The following ANAPC1 variants were observed in gnomAD, a reference collection of about 807,000 sequenced individuals.
ANAPC1 encodes the protein anaphase-promoting complex subunit 1.
A neutral mutation model predicts 208.0 loss-of-function variants in ANAPC1; 36 were observed. The observed-to-expected ratio is 0.17, with a 90% CI of 0.13 to 0.23. The LOEUF is 0.23. ANAPC1 is among the 10% of genes least tolerant of loss of function. ANAPC1 has a pLI of 1.00. For missense variants in ANAPC1, 942 were observed against 2,011.6 expected (o/e 0.47, Z 10.17); for synonymous variants, 378 against 695.2 (o/e 0.54, Z 7.18).
rs368291779 is a variant in ANAPC1, at chr2:111,878,917, C to G, written c.268G>C (p.Asp90His). 4 of 1,595,306 alleles carry G rather than the reference C, an allele frequency of 2.5e-6. No individual in the cohort carries two copies. Among genetic ancestry groups the G allele is most frequent in the Non-Finnish European group, 8.5e-7 (1 of 1,174,954 alleles). The stretch of plus-strand genomic sequence containing the variant: ...TTTCCAGCAACATAGAGTTCCTCAT[C>G]ATAGTCCACATCTTCTCCAATTTCA... ...VSEIGEDVDY[D>H]EELYVAGNMV... Residue 90 changes from aspartate (D) to histidine (H), a missense_variant, in exon 3 of 48, where the codon GAT becomes CAT. Physicochemically the swap from Asp to His is moderately conservative, Grantham distance 81. Coordinates refer to ENST00000341068, the MANE Select transcript of ANAPC1 (RefSeq NM_022662.4).
At chr2:111,829,333 T>TG (rs1007402940) in intron 21 of ANAPC1, among the ~76,000 whole-genome samples, 19 of 151,936 alleles carry the variant, frequency 1.3e-4, no homozygotes, top group African/African-American at 2.9e-4. Flanking sequence ...TTTGGAGCCA[T>TG]GGGGGGGACT....
Position 111,831,334 on chromosome 2 carries a change from A to C in ANAPC1, c.2577T>G (p.Pro859=). Residue 859 remains proline (P), a synonymous_variant, in exon 21 of 48, where the codon CCT becomes CCG. Transcript: ENST00000341068. ...SSCLKGEGMP[P]YPYLPGICER... The stretch of plus-strand genomic sequence containing the variant: ...CACAGATTCCAGGGAGGTAAGGATA[A>C]GGTGGCATTCCTTCACCCTTCAGAC... 1.2e-6 allele frequency: 2 copies of C among 1,611,982 alleles called. No individual in the cohort carries two copies. The highest frequency in any genetic ancestry group is 2.2e-5 in the South Asian group (2 of 90,986).
rs192512597 is a variant in ANAPC1, at chr2:111,844,513, G to A, written c.1853-914C>T. Among the ~76,000 whole-genome samples, 226 of 150,856 alleles carry A rather than the reference G, an allele frequency of 1.5e-3. 1 individual carries two copies. The highest frequency in any genetic ancestry group is 5.0e-3 in the African/African-American group (205 of 41,024). ...GAACCCGGGAGGCAGAGGTTGCAGT[G>A]AGCCAAGATCACGCCATTGCATTTC... On this transcript the variant is annotated intron_variant, in intron 16 of 47. Transcript: ENST00000341068.
chr2:111,840,335 T>C (rs1443640745), intron 17 of ANAPC1, among the ~76,000 whole-genome samples: 2 of 152,230 alleles, frequency 1.3e-5, no homozygotes, highest in Non-Finnish European at 2.9e-5. Flanking sequence ...GACCATTTTA[T>C]CCTAAGCTTT....
rs1436756040 is a variant in ANAPC1, at chr2:111,873,299, C to T, written c.528+9G>A. On this transcript the variant is annotated intron_variant, in intron 5 of 47. Transcript: ENST00000341068. ...CAAAACCCCCCCAAAATTTGAAACACTTGTTTACCTGAAATGGTAATGAAG... is the reference window on the plus strand; with the variant it reads ...CAAAACCCCCCCAAAATTTGAAACATTTGTTTACCTGAAATGGTAATGAAG... 1 of 1,590,848 alleles carries T rather than the reference C, an allele frequency of 6.3e-7. No individual in the cohort carries two copies. Among genetic ancestry groups the T allele is most frequent in the South Asian group, 1.1e-5 (1 of 87,588 alleles).
At chr2:111,864,442 A>C (rs1573494150) in intron 8 of ANAPC1, among the ~76,000 whole-genome samples, 2 of 95,058 alleles carry the variant, frequency 2.1e-5, no homozygotes, top group African/African-American at 3.5e-5. Flanking sequence ...AGTATTAACT[A>C]CTCTTTCATA....
At position 111,821,224 on chromosome 2, in the gene ANAPC1, C is replaced by A; in HGVS notation, c.3206+15G>T. 6.3e-7 allele frequency: 1 copy of A among 1,585,724 alleles called. No homozygotes were observed. Among genetic ancestry groups the A allele is most frequent in the Non-Finnish European group, 8.7e-7 (1 of 1,155,944 alleles). On this transcript the variant is annotated intron_variant, in intron 26 of 47. Transcript: ENST00000341068. ...ATGAAACATGACAAGAGATAGTGCA[C>A]GTGTTTTCTTTCACCTGTTTTCCTT...
intron 3 of ANAPC1, among the ~76,000 whole-genome samples, chr2:111,876,027 T>G (rs1683006941): frequency 6.6e-6 from 1 of 152,046 alleles, no homozygotes; most frequent in Non-Finnish European, 1.5e-5. Flanking sequence ...AGGCTATGAG[T>G]CCTTCAATGG....
chr2:111,828,151 G>A (rs1315814038), intron 21 of ANAPC1, among the ~76,000 whole-genome samples: 3 of 152,052 alleles, frequency 2.0e-5, no homozygotes, highest in East Asian at 3.9e-4. Flanking sequence ...AAGAAGATAC[G>A]TAAATGGCCA....
chr2:111,853,089 C>G (rs1309927627), intron 13 of ANAPC1, among the ~76,000 whole-genome samples: 1 of 152,130 alleles, frequency 6.6e-6, no homozygotes, highest in African/African-American at 2.4e-5. Flanking sequence ...CTCAAGGGTG[C>G]CTTCTTGGTG....
chr2:111,873,631 T>C lies in ANAPC1; in HGVS notation c.409A>G (p.Lys137Glu), dbSNP rs778810480. 2 of 1,584,106 alleles carry C rather than the reference T, an allele frequency of 1.3e-6. No individual in the cohort carries two copies. ...LWCDFIISQD[K>E]SEKAYSSNEV... is the part of the protein sequence containing the mutation. ...AACTTACTGTAGGCCTTTTCAGACT[T>C]ATCCTGTGATATAATGAAGTCACAC... is the stretch of plus-strand genomic sequence containing the variant. The change falls in exon 4 of 48, where the codon AAG becomes GAG. Residue 137 changes from lysine to glutamate, a missense_variant. By Grantham distance (56) the Lys-to-Glu change is moderately conservative. Transcript: ENST00000341068.
intron 13 of ANAPC1, among the ~76,000 whole-genome samples, chr2:111,852,021 GC>G (rs1681431083): frequency 6.6e-6 from 1 of 151,722 alleles, no homozygotes; most frequent in African/African-American, 2.4e-5. Flanking sequence ...AACAGAAGTT[GC>G]CCCAATAAAA....
chr2:111,871,490 C>T (rs2104587962), intron 6 of ANAPC1, among the ~76,000 whole-genome samples: 1 of 152,276 alleles, frequency 6.6e-6, no homozygotes, highest in African/African-American at 2.4e-5. Flanking sequence ...GTGGCTCATG[C>T]CTATAATCCC....
chr2:111,881,655 C>T (rs980826263), intron 1 of ANAPC1, among the ~76,000 whole-genome samples: 1 of 152,172 alleles, frequency 6.6e-6, no homozygotes, highest in African/African-American at 2.4e-5. Flanking sequence ...GACAAAAGTA[C>T]AGATAAGCAT....
chr2:111,838,654 C>T (rs1680602222), intron 17 of ANAPC1, 142 bp from the exon 18 acceptor site: 1 of 603,734 alleles, frequency 1.7e-6, no homozygotes, highest in East Asian at 3.0e-5. Context: ...TCTGGAAAGG[C>T]ATTATTTAAA....
chr2:111,807,689 C>T (rs1480664614), intron 29 of ANAPC1, among the ~76,000 whole-genome samples: 1 of 143,754 alleles, frequency 7.0e-6, no homozygotes, highest in Admixed American at 7.1e-5. Flanking sequence ...AAGACTCTCT[C>T]AAAAAAAAAA....
intron 16 of ANAPC1, among the ~76,000 whole-genome samples, chr2:111,846,512 C>A (rs113869330): frequency 0.033 from 4,388 of 134,344 alleles, 148 homozygotes; most frequent in African/African-American, 0.083. Context: ...TTGCAAGAGG[C>A]ATGTCCATAT....
At chr2:111,862,856 C>T (rs1414285053) in intron 9 of ANAPC1, among the ~76,000 whole-genome samples, 2 of 151,846 alleles carry the variant, frequency 1.3e-5, no homozygotes, top group East Asian at 1.9e-4. Flanking sequence ...TCTTCTTTTT[C>T]GGAAAATGAA....
chr2:111,839,056 C>T (rs988505758), intron 17 of ANAPC1, among the ~76,000 whole-genome samples: 14 of 152,142 alleles, frequency 9.2e-5, no homozygotes, highest in African/African-American at 3.1e-4. Context: ...AGGTGTGACC[C>T]TTTGACAGAG....
Sources: allele counts gnomAD v4.1 joint callset (sites outside exome capture counted in the v4.1 genomes callset), GRCh38; gene constraint gnomAD v4.1.1; transcripts MANE v1.5; gene names NCBI Gene and HGNC (gene_info 2026-07-23, HGNC 2026-07-21).